DYNC2H1: variants seen among roughly 807,000 people sequenced by gnomAD.
DYNC2H1 encodes dynein cytoplasmic 2 heavy chain 1.
In DYNC2H1, 410 loss-of-function variants were observed where a neutral mutation model predicts 570.0. The ratio of observed to expected loss-of-function variants is 0.72; its 90% CI spans 0.66 to 0.78. The LOEUF (loss-of-function observed/expected upper bound fraction) is 0.78, where lower values mean the gene tolerates loss of function less well. Ranked by LOEUF, DYNC2H1 falls within the 30% of genes least tolerant of loss-of-function variation. DYNC2H1 has a pLI of 0.00. For missense variants in DYNC2H1, 4,865 were observed against 5,046.4 expected (o/e 0.96, Z 1.09); for synonymous variants, 1,688 against 1,677.6 (o/e 1.01, Z -0.15).
At chr11:103,284,893 T>C (rs1388812969) in intron 73 of DYNC2H1, among the ~76,000 whole-genome samples, 5 of 152,168 alleles carry the variant, frequency 3.3e-5, no homozygotes, top group Admixed American at 1.3e-4. Flanking sequence ...ACCGCACTCT[T>C]GAAAAATTTG....
At position 103,465,825 on chromosome 11, in the gene DYNC2H1, C is replaced by A. The variant is rs911471996; in HGVS notation, c.12649-2764C>A. ...AGTGCAGCATTTCTAGAAGGCAGAG[C>A]CTTTTAAAGCCTAGCTTCAGAAGTT... On this transcript the variant is annotated intron_variant, in intron 87 of 88. Transcript: ENST00000375735. The surrounding 1 kb of genome is among the most constrained non-coding windows in gnomAD (Gnocchi z 4.9). Among the ~76,000 whole-genome samples the A allele has an allele frequency of 1.3e-5, 2 of 152,068 alleles. No homozygotes were observed. Among genetic ancestry groups the A allele is most frequent in the African/African-American group, 2.4e-5 (1 of 41,408 alleles).
intron 83 of DYNC2H1, among the ~76,000 whole-genome samples, chr11:103,397,333 A>T (rs1343821670): frequency 2.0e-5 from 3 of 152,162 alleles, no homozygotes; most frequent in Non-Finnish European, 4.4e-5. Flanking sequence ...CCTAGTAATC[A>T]ATTGAGTAAA....
chr11:103,468,750 C>A (rs370395648), intron 88 of DYNC2H1, 45 bp downstream of exon 88: 10 of 1,390,928 alleles, frequency 7.2e-6, no homozygotes, highest in Non-Finnish European at 9.0e-6. Flanking sequence ...TATCAGTTCT[C>A]TCTTAGATTT....
At chr11:103,430,031 C>T (rs1031651177) in intron 84 of DYNC2H1, among the ~76,000 whole-genome samples, 2 of 152,128 alleles carry the variant, frequency 1.3e-5, no homozygotes, top group Non-Finnish European at 2.9e-5. Flanking sequence ...CAATAGTCTG[C>T]AGATAATGGA....
chr11:103,207,538 T>C (rs1259357472), intron 52 of DYNC2H1, among the ~76,000 whole-genome samples: 3 of 152,082 alleles, frequency 2.0e-5, no homozygotes, highest in African/African-American at 7.2e-5. Context: ...ATTGTTTCTA[T>C]TTTCTTAGCG....
At chr11:103,398,471 A>G (rs1024768026) in intron 83 of DYNC2H1, among the ~76,000 whole-genome samples, 14 of 152,312 alleles carry the variant, frequency 9.2e-5, no homozygotes, top group African/African-American at 3.4e-4. Context: ...ATGTTGATTT[A>G]TTTAATGGCA....
chr11:103,192,986 T>A (rs979928585), intron 47 of DYNC2H1, among the ~76,000 whole-genome samples: 1 of 152,216 alleles, frequency 6.6e-6, no homozygotes, highest in Non-Finnish European at 1.5e-5. Context: ...TTACTTTTAA[T>A]GGCAAAACCA....
intron 3 of DYNC2H1, among the ~76,000 whole-genome samples, chr11:103,114,955 C>G (rs919652763): frequency 6.6e-6 from 1 of 151,988 alleles, no homozygotes; most frequent in Non-Finnish European, 1.5e-5. Context: ...GAATCACTAA[C>G]AAAAAGCACA....
intron 17 of DYNC2H1, among the ~76,000 whole-genome samples, chr11:103,140,966 T>A (rs540748018): frequency 1.3e-5 from 2 of 152,218 alleles, no homozygotes; most frequent in African/African-American, 4.8e-5. Flanking sequence ...TCATCTTCCA[T>A]TGCTGGTACC....
Position 103,204,706 on chromosome 11 carries a change from A to G in DYNC2H1, c.8312-116A>G, listed in dbSNP as rs550218246. The G allele has an allele frequency of 5.8e-6, 4 of 690,664 alleles. No homozygotes were observed. The East Asian group carries it at 1.2e-4, about 21-fold the overall frequency. 42.8% of individuals were successfully genotyped at this position (690,664 alleles called of 1,614,324 possible). A position where few individuals can be genotyped will look rare whatever the true frequency, so the allele number is the denominator to read the frequency against. ...AAATCATAACATAATATTGTTTTAT[A>G]TTGTGCTCGTTTTAAGAAACAACTC... On this transcript the variant is annotated intron_variant, in intron 51 of 88. Transcript: ENST00000375735. The surrounding 1 kb of genome is among the most constrained non-coding windows in gnomAD (Gnocchi z 4.1).
chr11:103,298,447 T>C (rs544091714), intron 75 of DYNC2H1, among the ~76,000 whole-genome samples: 5 of 152,290 alleles, frequency 3.3e-5, no homozygotes, highest in African/African-American at 1.2e-4. Flanking sequence ...GAAATACTTA[T>C]GGTACTATTT....
rs747579581 is a variant in DYNC2H1, at chr11:103,121,070, GAGA to G, written c.1360+36_1360+38del. On this transcript the variant is annotated intron_variant, in intron 9 of 88. Coordinates refer to ENST00000375735, the MANE Select transcript of DYNC2H1 (RefSeq NM_001377.3). Reference sequence around the variant, plus strand: ...TTATGAGATTATAGTGTTTGCTTGAGAGAATATTTTTGTATATTACTTTTTTCT... The same window carrying G: ...TTATGAGATTATAGTGTTTGCTTGAGATATTTTTGTATATTACTTTTTTCT... 12 of 1,353,128 alleles carry G rather than the reference GAGA, an allele frequency of 8.9e-6. No homozygotes were observed. In the East Asian group the frequency reaches 3.1e-4, roughly 35 times the overall value. 83.8% of individuals were successfully genotyped at this position (1,353,128 alleles called of 1,614,324 possible).
At chr11:103,385,318 C>T (rs1028164830) in intron 83 of DYNC2H1, among the ~76,000 whole-genome samples, 7 of 152,094 alleles carry the variant, frequency 4.6e-5, no homozygotes, top group African/African-American at 1.4e-4. Flanking sequence ...AGACCTTTCT[C>T]TCTCTGTTCA....
At chr11:103,409,687 G>A (rs893228560) in intron 84 of DYNC2H1, 8 of 154,764 alleles carry the variant, frequency 5.2e-5, no homozygotes, top group African/African-American at 1.9e-4. Flanking sequence ...TGGACAACCA[G>A]CTATCACCAG....
chr11:103,448,918 TC>T (rs1944510117), intron 85 of DYNC2H1, among the ~76,000 whole-genome samples: 1 of 129,964 alleles, frequency 7.7e-6, no homozygotes, highest in Non-Finnish European at 1.6e-5. Context: ...GATCAAAGAT[TC>T]TTTTTTTTCC....
At chr11:103,208,952 C>G (rs908310179) in intron 52 of DYNC2H1, among the ~76,000 whole-genome samples, 1 of 151,876 alleles carries the variant, frequency 6.6e-6, no homozygotes, top group Non-Finnish European at 1.5e-5. Context: ...AACGAGTTCC[C>G]AAAGAAACAA....
In DYNC2H1 at chr11:103,251,007, C is replaced by T. The variant is rs116312723; in HGVS notation, c.10043-2278C>T. On this transcript the variant is annotated intron_variant, in intron 65 of 88. Coordinates refer to ENST00000375735, the MANE Select transcript of DYNC2H1 (RefSeq NM_001377.3). ...ACTTGAAAATTGTATGAATTTTGCT[C>T]TTGCTTCATTTAATTTTCTGTACAG... Among the ~76,000 whole-genome samples the T allele has an allele frequency of 4.6e-5, 7 of 151,896 alleles. No individual in the cohort carries two copies. In the South Asian group the frequency reaches 1.2e-3, roughly 27 times the overall value.
chr11:103,148,369 T>G (rs1467339590), intron 19 of DYNC2H1, 121 bp from the exon 20 acceptor site: 1 of 1,024,180 alleles, frequency 9.8e-7, no homozygotes, highest in Admixed American at 3.5e-5. Flanking sequence ...AAATGATAAT[T>G]TAGAACTTAT....
At chr11:103,284,425 A>G (rs1435378773) in intron 73 of DYNC2H1, among the ~76,000 whole-genome samples, 1 of 152,236 alleles carries the variant, frequency 6.6e-6, no homozygotes, top group Non-Finnish European at 1.5e-5. Context: ...AGGTGTATTA[A>G]GAGACTCTGC....
Sources: gnomAD v4.1 joint callset for allele counts (sites outside exome capture counted in the v4.1 genomes callset) on GRCh38, gnomAD v4.1.1 for gene constraint, Gnocchi (gnomAD v3.1) non-coding constraint, MANE v1.5 for transcripts, NCBI Gene and HGNC (gene_info 2026-07-23, HGNC 2026-07-21) for gene names.